Variants in PRELID2 observed in about 807,000 individuals in gnomAD.
PRELID2 encodes PRELI domain-containing protein 2.
A neutral mutation model predicts 28.4 loss-of-function variants in PRELID2; 25 were observed. The observed-to-expected ratio is 0.88, with a 90% CI of 0.64 to 1.23. The LOEUF is 1.23. PRELID2 is among the 50% of genes most tolerant of loss of function. The pLI is 0.00. For missense variants in PRELID2, 201 were observed against 214.4 expected (o/e 0.94, Z 0.39); for synonymous variants, 76 against 71.6 (o/e 1.06, Z -0.31).
chr5:145,550,043 G>C (rs558475409), intron 1 of PRELID2, among the ~76,000 whole-genome samples: 2 of 152,294 alleles, frequency 1.3e-5, no homozygotes, highest in South Asian at 4.1e-4. Flanking sequence ...GATTTCAAAT[G>C]GGCCAGCAGA....
chr5:145,824,240 A>T (rs1049206694), intron 1 of PRELID2, among the ~76,000 whole-genome samples: 4 of 152,252 alleles, frequency 2.6e-5, no homozygotes, highest in Admixed American at 2.6e-4. Context: ...ATCAAATCTG[A>T]AAAGAAAATT....
the PRELID2 span, among the ~76,000 whole-genome samples, chr5:145,313,688 G>A: frequency 6.6e-6 from 1 of 152,236 alleles, no homozygotes; most frequent in East Asian, 1.9e-4. Context: ...TTCTGAGGCT[G>A]GGCAACAGCT....
chr5:145,727,736 A>C (rs908416637), intron 1 of PRELID2, among the ~76,000 whole-genome samples: 1 of 152,182 alleles, frequency 6.6e-6, no homozygotes, highest in Non-Finnish European at 1.5e-5. Flanking sequence ...TTACAATACA[A>C]ATAGATGGTG....
chr5:145,755,127 A>T (rs1291361853), downstream of PRELID2, among the ~76,000 whole-genome samples: 5 of 152,244 alleles, frequency 3.3e-5, no homozygotes, highest in Non-Finnish European at 7.3e-5. Flanking sequence ...TTGAAGACAA[A>T]CTACAATCAT....
chr5:145,817,803 T>G (rs956472353), intron 4 of PRELID2, 91 bp downstream of exon 4: 3 of 1,055,522 alleles, frequency 2.8e-6, no homozygotes, highest in Middle Eastern at 2.2e-4. Flanking sequence ...TAAACAGTGG[T>G]CATAAGTATA....
intron 4 of PRELID2, among the ~76,000 whole-genome samples, chr5:145,811,211 G>T (rs771966059): frequency 4.0e-5 from 6 of 148,246 alleles, no homozygotes; most frequent in Admixed American, 6.8e-5. Context: ...CTGCCCCCAC[G>T]ATTTAATTGC....
chr5:145,308,498 G>A, the PRELID2 span, among the ~76,000 whole-genome samples: 4 of 152,086 alleles, frequency 2.6e-5, no homozygotes, highest in Admixed American at 2.6e-4. Context: ...TACTTTAGGT[G>A]CACCAATTCA....
At chr5:145,803,233 T>C (rs937286453) in intron 4 of PRELID2, among the ~76,000 whole-genome samples, 2 of 152,206 alleles carry the variant, frequency 1.3e-5, no homozygotes, top group African/African-American at 4.8e-5. Context: ...CAGAGACTTC[T>C]TGACTCACTG....
intron 1 of PRELID2, among the ~76,000 whole-genome samples, chr5:145,666,114 C>T (rs1376859454): frequency 6.6e-6 from 1 of 151,924 alleles, no homozygotes; most frequent in African/African-American, 2.4e-5. Flanking sequence ...ACAGCTGGCT[C>T]CTTCCTCTCC....
chr5:145,557,916 G>C (rs1484086324), intron 1 of PRELID2, among the ~76,000 whole-genome samples: 1 of 152,138 alleles, frequency 6.6e-6, no homozygotes, highest in African/African-American at 2.4e-5. Flanking sequence ...GTTGGTTCTT[G>C]CCTTGGCTAC....
rs542275088 is a variant in PRELID2, at chr5:145,615,359, G to A, written n.71-142044C>T. 4.1e-5 allele frequency among the ~76,000 whole-genome samples: 4 copies of A among 98,538 alleles called. No homozygotes were observed. The South Asian group carries it at 9.9e-4, about 24-fold the overall frequency. The allele number at this position is 98,538 out of a possible 152,430, so 64.6% of individuals were successfully genotyped here. Reference sequence around the variant, plus strand: ...TTTTTTTTTTTTGAGACGGAGTCTCGCTGTCGCCCAGGCTGGAGTGCAGTG... The same window carrying A: ...TTTTTTTTTTTTGAGACGGAGTCTCACTGTCGCCCAGGCTGGAGTGCAGTG... On this transcript the variant is annotated intron_variant and non_coding_transcript_variant, in intron 1 of 2. Coordinates refer to the PRELID2 transcript ENST00000510259.
the PRELID2 span, among the ~76,000 whole-genome samples, chr5:145,314,736 T>C: frequency 6.6e-6 from 1 of 152,032 alleles, no homozygotes. Flanking sequence ...CTGGGCACTA[T>C]AAATTAAGGT....
the PRELID2 span, among the ~76,000 whole-genome samples, chr5:145,426,171 T>A: frequency 4.7e-4 from 71 of 152,270 alleles, no homozygotes; most frequent in Admixed American, 2.2e-3. Context: ...GATCCTGTGG[T>A]TTGCCTGCAG....
chr5:145,513,814 A>G (rs1312169823), intron 1 of PRELID2, among the ~76,000 whole-genome samples: 2 of 152,338 alleles, frequency 1.3e-5, no homozygotes, highest in East Asian at 3.9e-4. Flanking sequence ...AAACCCTACA[A>G]GCCAGGAGAG....
chr5:145,377,609 T>G, the PRELID2 span, among the ~76,000 whole-genome samples: 27 of 152,208 alleles, frequency 1.8e-4, no homozygotes, highest in Non-Finnish European at 4.0e-4. Context: ...AACCCTTTAC[T>G]GTTATGCAAT....
intron 1 of PRELID2, among the ~76,000 whole-genome samples, chr5:145,548,141 G>C (rs1752803494): frequency 6.6e-6 from 1 of 152,188 alleles, no homozygotes; most frequent in South Asian, 2.1e-4. Context: ...GGCCACAGAA[G>C]ATCTAAAATC....
At chr5:145,741,134 A>C (rs1454454657) in intron 1 of PRELID2, among the ~76,000 whole-genome samples, 1 of 116,586 alleles carries the variant, frequency 8.6e-6, no homozygotes, top group Non-Finnish European at 1.6e-5. Context: ...ATATATAAAT[A>C]TATAATGTAT....
the PRELID2 span, among the ~76,000 whole-genome samples, chr5:145,406,129 C>A: frequency 6.6e-6 from 1 of 152,098 alleles, no homozygotes; most frequent in Admixed American, 6.6e-5. Context: ...TCACCTCCCA[C>A]CAGGCCCTAC....
intron 5 of PRELID2, among the ~76,000 whole-genome samples, chr5:145,782,253 C>T (rs1751685419): frequency 6.6e-6 from 1 of 152,170 alleles, no homozygotes; most frequent in African/African-American, 2.4e-5. Context: ...CTCTGACCTC[C>T]CTTGTCAGGG....
Sources: gnomAD v4.1 joint callset for allele counts (sites outside exome capture counted in the v4.1 genomes callset) on GRCh38, gnomAD v4.1.1 for gene constraint, MANE v1.5 for transcripts, NCBI Gene and HGNC (gene_info 2026-07-23, HGNC 2026-07-21) for gene names.